CTSS: variants seen among roughly 807,000 people sequenced by gnomAD.
The protein encoded by CTSS is cathepsin S.
In CTSS, 15 loss-of-function variants were observed where a neutral mutation model predicts 39.9. That is an observed-to-expected ratio of 0.38 (90% CI 0.25 to 0.58). The LOEUF (loss-of-function observed/expected upper bound fraction) is 0.58, where lower values mean the gene tolerates loss of function less well. CTSS is among the 20% of genes least tolerant of loss of function. The pLI, the probability that CTSS is intolerant of heterozygous loss-of-function variation, is 0.70. For missense variants in CTSS, 250 were observed against 398.2 expected, an observed-to-expected ratio of 0.63 and a Z score of 3.17; for synonymous variants, 126 against 138.2, an observed-to-expected ratio of 0.91 and a Z score of 0.62.
chr1:150,730,867 A>G lies in CTSS; in HGVS notation c.*2179T>C, dbSNP rs923990794. The G allele has an allele frequency of 6.9e-6, 1 of 144,180 alleles. No individual in the cohort carries two copies. The allele number at this position is 144,180 out of a possible 1,614,324, so 8.9% of individuals were successfully genotyped here. A position where few individuals can be genotyped will look rare whatever the true frequency, so the allele number is the denominator to read the frequency against. On this transcript the variant is annotated 3_prime_UTR_variant, in exon 8 of 8. Transcript: ENST00000368985. ...ATTAACTCTTATTTAATGCATTTAT[A>G]AAGAAGCATGCATATTAATATATAA...
intron 2 of CTSS, among the ~76,000 whole-genome samples, chr1:150,760,027 A>AG (rs1653218986): frequency 6.6e-6 from 1 of 152,160 alleles, no homozygotes; most frequent in Non-Finnish European, 1.5e-5. Context: ...AGTGCAAGAA[A>AG]GGAAAAAAAA....
At position 150,731,190 on chromosome 1, in the gene CTSS, C is replaced by T. The variant is rs587756410; in HGVS notation, c.*1856G>A. The stretch of plus-strand genomic sequence containing the variant: ...ATCACCTGAGGTCAGGAGTTTGAGA[C>T]CAGCCTGGCTAATGTGGCAAAACCC... On this transcript the variant is annotated 3_prime_UTR_variant, in exon 8 of 8. Transcript: ENST00000368985. The T allele has an allele frequency of 6.6e-6, 1 of 152,282 alleles. No homozygotes were observed. Among genetic ancestry groups the T allele is most frequent in the South Asian group, 2.1e-4 (1 of 4,826 alleles). The allele number at this position is 152,282 out of a possible 1,614,324, so 9.4% of individuals were successfully genotyped here.
intron 6 of CTSS, 80 bp from the exon 7 acceptor site, chr1:150,747,959 A>G (rs587718491): frequency 4.3e-6 from 4 of 939,180 alleles, no homozygotes; most frequent in Non-Finnish European, 6.8e-6. Flanking sequence ...ATTACTTTTT[A>G]TTAGCCTGCT....
rs1557805734 is a variant in CTSS, at chr1:150,730,371, TG to T, written c.*2674del. The T allele has an allele frequency of 6.6e-6, 1 of 152,166 alleles. No homozygotes were observed. Among genetic ancestry groups the T allele is most frequent in the African/African-American group, 2.4e-5 (1 of 41,458 alleles). 9.4% of individuals were successfully genotyped at this position (152,166 alleles called of 1,614,324 possible). On this transcript the variant is annotated 3_prime_UTR_variant, in exon 8 of 8. Coordinates refer to ENST00000368985, the MANE Select transcript of CTSS (RefSeq NM_004079.5). ...TGTGAACAAGCTAAATGTAATAAAC[TG>T]GGGGAAACTGAGAGGCCTGTTTGTT...
At chr1:150,749,733 T>C (rs1483993775) in intron 6 of CTSS, among the ~76,000 whole-genome samples, 1 of 151,780 alleles carries the variant, frequency 6.6e-6, no homozygotes, top group African/African-American at 2.4e-5. Context: ...CACTGTAACC[T>C]CAAATTCCTG....
intron 7 of CTSS, among the ~76,000 whole-genome samples, chr1:150,735,120 G>A (rs7521898): frequency 0.38 from 57,344 of 152,022 alleles, 11,077 homozygotes; most frequent in South Asian, 0.54. Context: ...AGCAGGTGGA[G>A]GAACATGTAC....
Position 150,732,945 on chromosome 1 carries a change from A to G in CTSS, c.*101T>C. On this transcript the variant is annotated 3_prime_UTR_variant, in exon 8 of 8. Transcript: ENST00000368985. ...TTTCTAATTAGTACAGTAAATACACATTAATCATGACACAATTATTTCTTC... is the reference window on the plus strand; with the variant it reads ...TTTCTAATTAGTACAGTAAATACACGTTAATCATGACACAATTATTTCTTC... 1.2e-6 allele frequency: 1 copy of G among 859,198 alleles called. No homozygotes were observed. The highest frequency in any genetic ancestry group is 2.4e-5 in the Admixed American group (1 of 42,378). The allele number at this position is 859,198 out of a possible 1,614,324, so 53.2% of individuals were successfully genotyped here.
intron 6 of CTSS, among the ~76,000 whole-genome samples, chr1:150,749,600 TTGCCCTGCCC>T (rs587632563): frequency 1.6e-4 from 2 of 12,730 alleles, no homozygotes; most frequent in East Asian, 2.9e-3. Context: ...CCGCCCCACC[TTGCCCTGCCC>T]TGCCCTGCCC....
At chr1:150,760,976 C>T (rs1385774574) in intron 2 of CTSS, among the ~76,000 whole-genome samples, 1 of 151,074 alleles carries the variant, frequency 6.6e-6, no homozygotes, top group Admixed American at 6.6e-5. Context: ...GTCAGAAGTT[C>T]GAGACCAGCC....
At chr1:150,765,585 G>A (rs1653357724) in intron 1 of CTSS, 113 bp downstream of exon 1, 1 of 152,098 alleles carries the variant, frequency 6.6e-6, no homozygotes, top group Non-Finnish European at 1.5e-5. Context: ...TGAACGACAC[G>A]ATTTTTTAGT....
In CTSS at chr1:150,747,833, T is replaced by C; in HGVS notation, c.840A>G (p.Val280=). The C allele has an allele frequency of 6.2e-7, 1 of 1,613,898 alleles. No homozygotes were observed. The highest frequency in any genetic ancestry group is 1.6e-4 in the Middle Eastern group (1 of 6,062). Reference sequence around the variant, plus strand: ...TAAGATCACCATAGCCAACCACAAGTACACCATGATTCACATTCTGAGTAC... The same window carrying C: ...TAAGATCACCATAGCCAACCACAAGCACACCATGATTCACATTCTGAGTAC... The part of the protein sequence containing the change: ...PSCTQNVNHG[V]LVVGYGDLNG... Residue 280 remains valine, a synonymous_variant, in exon 7 of 8, where the codon GTA becomes GTG. Coordinates refer to ENST00000368985, the MANE Select transcript of CTSS (RefSeq NM_004079.5).
intron 7 of CTSS, among the ~76,000 whole-genome samples, chr1:150,734,669 T>C (rs777060160): frequency 4.4e-4 from 67 of 152,094 alleles, no homozygotes; most frequent in Non-Finnish European, 7.5e-4. Flanking sequence ...ATAAAAACCA[T>C]ACTACTTACT....
intron 7 of CTSS, among the ~76,000 whole-genome samples, chr1:150,734,669 T>G (rs777060160): frequency 1.3e-5 from 2 of 151,976 alleles, no homozygotes. Context: ...ATAAAAACCA[T>G]ACTACTTACT....
rs775268813 is a variant in CTSS at position 150,764,630 on chromosome 1, C to A, written c.126+8G>T. The A allele has an allele frequency of 1.2e-6, 2 of 1,613,920 alleles. No homozygotes were observed. The highest frequency in any genetic ancestry group is 4.5e-5 in the East Asian group (2 of 44,862). ...AAAGCATATCGCTCGAGTGGCAATCCAATCTACCTTTTCCTTGTATTGTTT... is the reference window on the plus strand; with the variant it reads ...AAAGCATATCGCTCGAGTGGCAATCAAATCTACCTTTTCCTTGTATTGTTT... On this transcript the variant is annotated splice_region_variant and intron_variant, in intron 2 of 7. Transcript: ENST00000368985.
chr1:150,746,631 G>A (rs1437546635), intron 7 of CTSS, among the ~76,000 whole-genome samples: 1 of 152,108 alleles, frequency 6.6e-6, no homozygotes, highest in African/African-American at 2.4e-5. Flanking sequence ...AGACTTTTCT[G>A]GAATAGATTG....
chr1:150,753,297 A>C (rs1653046468), intron 4 of CTSS, among the ~76,000 whole-genome samples: 1 of 152,186 alleles, frequency 6.6e-6, no homozygotes, highest in African/African-American at 2.4e-5. Flanking sequence ...GGATTTTTGC[A>C]ATTTTTTTAA....
chr1:150,764,893 A>C (rs1258014335), intron 1 of CTSS, 129 bp from the exon 2 acceptor site: 1 of 1,090,750 alleles, frequency 9.2e-7, no homozygotes, highest in East Asian at 2.4e-5. Flanking sequence ...AGAATTATAC[A>C]GGAAAATTCC....
chr1:150,743,546 T>G lies in CTSS; in HGVS notation c.896+4231A>C, dbSNP rs28452788. On this transcript the variant is annotated intron_variant, in intron 7 of 7. Transcript: ENST00000368985. ...TTATAAATATATTTATATTTATATA[T>G]AGAGAGATTTATATGTATGTATACA... Among the ~76,000 whole-genome samples the G allele has an allele frequency of 3.3e-3, 457 of 138,288 alleles. 6 individuals carry two copies. The highest frequency in any genetic ancestry group is 0.023 in the Middle Eastern group (6 of 264). 90.7% of individuals were successfully genotyped at this position (138,288 alleles called of 152,430 possible).
intron 7 of CTSS, among the ~76,000 whole-genome samples, chr1:150,746,231 T>C (rs1652893097): frequency 6.6e-6 from 1 of 152,204 alleles, no homozygotes; most frequent in African/African-American, 2.4e-5. Context: ...CATAAATTTC[T>C]GTCATTTAAG....
Sources: allele counts gnomAD v4.1 joint callset (sites outside exome capture counted in the v4.1 genomes callset), GRCh38; gene constraint gnomAD v4.1.1; transcripts MANE v1.5; gene names NCBI Gene and HGNC (gene_info 2026-07-23, HGNC 2026-07-21).